Variants in VAV3 observed in about 807,000 individuals in gnomAD.
The protein encoded by VAV3 is guanine nucleotide exchange factor VAV3.
Under a neutral mutation model 131.2 loss-of-function variants are expected in VAV3, and 94 were observed. That is an observed-to-expected ratio of 0.72 (90% CI 0.61 to 0.85). The LOEUF (loss-of-function observed/expected upper bound fraction) is 0.85, where lower values mean the gene tolerates loss of function less well. Among genes scored for constraint, VAV3 ranks in the 40% least tolerant of loss-of-function variants. The probability of loss-of-function intolerance (pLI) is 0.00; values close to 1 mark genes in which losing one functional copy is unlikely to be tolerated. For missense variants in VAV3, 939 were observed against 1,002.7 expected (o/e 0.94, Z 0.86); for synonymous variants, 349 against 342.0 (o/e 1.02, Z -0.22).
chr1:107,775,833 A>G (rs1665324752), intron 4 of VAV3, among the ~76,000 whole-genome samples: 1 of 152,148 alleles, frequency 6.6e-6, no homozygotes, highest in Non-Finnish European at 1.5e-5. Flanking sequence ...TACCCTGGAA[A>G]GAGCTGCTGG....
intron 1 of VAV3, among the ~76,000 whole-genome samples, chr1:107,916,914 G>A (rs901006193): frequency 6.6e-6 from 1 of 152,290 alleles, no homozygotes; most frequent in Admixed American, 6.5e-5. Context: ...ACAAAGGAGA[G>A]GGGAGAAAAC....
intron 2 of VAV3, among the ~76,000 whole-genome samples, chr1:107,873,434 C>T (rs1476105883): frequency 1.3e-5 from 2 of 151,752 alleles, no homozygotes; most frequent in African/African-American, 2.4e-5. Context: ...TTCATTTCCC[C>T]AAAAGAGAGG....
intron 17 of VAV3, among the ~76,000 whole-genome samples, chr1:107,690,353 G>T (rs1318820478): frequency 6.6e-6 from 1 of 152,036 alleles, no homozygotes; most frequent in African/African-American, 2.4e-5. Flanking sequence ...AAGTAGCTAC[G>T]GAGACACTTG....
At position 107,768,413 on chromosome 1, in the gene VAV3, C is replaced by T; in HGVS notation, c.717+28G>A. The T allele has an allele frequency of 1.9e-6, 3 of 1,581,114 alleles. No individual in the cohort carries two copies. The South Asian group carries it at 3.4e-5, about 18-fold the overall frequency. ...ATGAAGATTTTATTGAAGTACACCA[C>T]AATTTTAGCTAGCATATTTTTACTC... On this transcript the variant is annotated intron_variant, in intron 7 of 26. Coordinates refer to ENST00000370056, the MANE Select transcript of VAV3 (RefSeq NM_006113.5).
Position 107,760,697 on chromosome 1 carries a change from T to A in VAV3, c.1017+87A>T. On this transcript the variant is annotated intron_variant, in intron 10 of 26. Transcript: ENST00000370056. ...TTTTAAGGGGATTGGGCCCAACACA[T>A]GGAATATCTGCAATGTAGTTGATGC... is the stretch of plus-strand genomic sequence containing the variant. 3.9e-6 allele frequency: 4 copies of A among 1,025,426 alleles called. No individual in the cohort carries two copies. The South Asian group carries it at 6.2e-5, about 16-fold the overall frequency. 63.5% of individuals were successfully genotyped at this position (1,025,426 alleles called of 1,614,324 possible).
intron 6 of VAV3, 45 bp downstream of exon 6, chr1:107,770,591 T>C (rs1359629614): frequency 1.2e-5 from 15 of 1,201,730 alleles, no homozygotes; most frequent in Middle Eastern, 1.9e-4. Flanking sequence ...ATATTAACTA[T>C]ATTAGGCAGT....
intron 15 of VAV3, among the ~76,000 whole-genome samples, chr1:107,745,036 A>G (rs78385372): frequency 0.041 from 6,205 of 152,260 alleles, 201 homozygotes; most frequent in Non-Finnish European, 0.054. Context: ...TTTGGGGAAA[A>G]CATATCCATA....
intron 2 of VAV3, among the ~76,000 whole-genome samples, chr1:107,789,463 C>G (rs921247205): frequency 6.6e-6 from 1 of 152,184 alleles, no homozygotes. Context: ...CATCTGTAAA[C>G]GTTTCAAACC....
intron 24 of VAV3, among the ~76,000 whole-genome samples, chr1:107,599,905 G>A (rs1651711039): frequency 7.0e-6 from 1 of 142,180 alleles, no homozygotes; most frequent in South Asian, 2.2e-4. Flanking sequence ...TAATAGACAA[G>A]TGTGTTATTT....
chr1:107,633,966 T>C (rs1407282390), intron 20 of VAV3, among the ~76,000 whole-genome samples: 2 of 152,088 alleles, frequency 1.3e-5, no homozygotes, highest in African/African-American at 2.4e-5. Flanking sequence ...ACCCATAGCA[T>C]TATGAGAAAT....
chr1:107,946,157 G>A (rs185827155), intron 1 of VAV3, among the ~76,000 whole-genome samples: 3 of 152,190 alleles, frequency 2.0e-5, no homozygotes, highest in East Asian at 3.9e-4. Flanking sequence ...ATTGGCATGA[G>A]GTAGAATACA....
intron 19 of VAV3, among the ~76,000 whole-genome samples, chr1:107,681,722 C>T (rs534435856): frequency 1.0e-4 from 15 of 149,968 alleles, no homozygotes; most frequent in Middle Eastern, 6.9e-3. Flanking sequence ...GGCGCGATCT[C>T]GGCTCACTGC....
intron 2 of VAV3, among the ~76,000 whole-genome samples, chr1:107,848,250 T>C (rs1419214591): frequency 6.6e-6 from 1 of 150,942 alleles, no homozygotes; most frequent in Non-Finnish European, 1.5e-5. Flanking sequence ...GAGGCGGAGC[T>C]TGCAGTGAGC....
intron 20 of VAV3, among the ~76,000 whole-genome samples, chr1:107,634,808 C>T (rs1049313864): frequency 1.1e-4 from 16 of 151,982 alleles, no homozygotes; most frequent in East Asian, 3.9e-4. Context: ...AAAAAGTGGG[C>T]AAAGGATATG....
intron 17 of VAV3, among the ~76,000 whole-genome samples, chr1:107,691,673 T>C (rs1570761596): frequency 6.6e-6 from 1 of 152,198 alleles, no homozygotes; most frequent in Admixed American, 6.5e-5. Flanking sequence ...TTGATCAAAC[T>C]ATAAAACATT....
chr1:107,656,847 A>C (rs1337993117), intron 19 of VAV3, among the ~76,000 whole-genome samples: 1 of 152,074 alleles, frequency 6.6e-6, no homozygotes, highest in Admixed American at 6.6e-5. Context: ...GAAAAAGAGT[A>C]AACATTACTC....
chr1:107,734,278 A>G (rs113281224), intron 15 of VAV3, among the ~76,000 whole-genome samples: 4,431 of 152,282 alleles, frequency 0.029, 204 homozygotes, highest in African/African-American at 0.095. Context: ...AAAGACCAGC[A>G]ATGCTAGGAA....
intron 1 of VAV3, among the ~76,000 whole-genome samples, chr1:107,937,893 T>G (rs1035249879): frequency 2.0e-5 from 3 of 152,208 alleles, no homozygotes; most frequent in Non-Finnish European, 1.5e-5. Flanking sequence ...GAATTTAGAA[T>G]ACATTTTTCC....
At chr1:107,792,971 T>C (rs1666366225) in intron 2 of VAV3, among the ~76,000 whole-genome samples, 1 of 152,110 alleles carries the variant, frequency 6.6e-6, no homozygotes, top group South Asian at 2.1e-4. Flanking sequence ...GTTATCTGTT[T>C]ATCAGTATAA....
Sources: gnomAD v4.1 joint callset for allele counts (sites outside exome capture counted in the v4.1 genomes callset) on GRCh38, gnomAD v4.1.1 for gene constraint, MANE v1.5 for transcripts, NCBI Gene and HGNC (gene_info 2026-07-23, HGNC 2026-07-21) for gene names.